The following ZNF704 variants were observed in gnomAD, a reference collection of about 807,000 sequenced individuals.
The protein encoded by ZNF704 is zinc finger protein 704.
Under a neutral mutation model 44.7 loss-of-function variants are expected in ZNF704, and 10 were observed. The ratio of observed to expected loss-of-function variants is 0.22; its 90% confidence interval spans 0.14 to 0.38. The LOEUF is 0.38. Ranked by LOEUF, ZNF704 falls within the 10% of genes least tolerant of loss-of-function variation. The pLI is 1.00. For missense variants in ZNF704, 390 were observed against 545.5 expected (o/e 0.71, Z 2.84); for synonymous variants, 211 against 207.6 (o/e 1.02, Z -0.14).
intron 2 of ZNF704, among the ~76,000 whole-genome samples, chr8:80,763,617 C>T (rs975462832): frequency 1.3e-5 from 2 of 152,202 alleles, no homozygotes; most frequent in Admixed American, 6.5e-5. Context: ...GAGGGGCTCC[C>T]GTGAAGGTCT....
chr8:80,673,982 G>T (rs1696070028), intron 4 of ZNF704, among the ~76,000 whole-genome samples: 1 of 152,236 alleles, frequency 6.6e-6, no homozygotes, highest in African/African-American at 2.4e-5. Flanking sequence ...CACACACCCA[G>T]CTCCATGATG....
intron 2 of ZNF704, among the ~76,000 whole-genome samples, chr8:80,799,224 T>C (rs1004559128): frequency 5.3e-5 from 8 of 152,224 alleles, no homozygotes; most frequent in African/African-American, 1.9e-4. Flanking sequence ...TTTCAAATTG[T>C]AGGATGCTAG....
intron 1 of ZNF704, among the ~76,000 whole-genome samples, chr8:80,840,038 T>C (rs1268541882): frequency 6.6e-6 from 1 of 152,226 alleles, no homozygotes; most frequent in East Asian, 1.9e-4. Context: ...CCCAGGCACC[T>C]GCTATATTTT....
chr8:80,817,793 T>C (rs373366163), intron 2 of ZNF704, among the ~76,000 whole-genome samples: 3 of 152,348 alleles, frequency 2.0e-5, no homozygotes, highest in East Asian at 3.8e-4. Context: ...TTTAAATAGA[T>C]GTTTCAAATT....
chr8:80,838,307 G>T (rs901643395), intron 1 of ZNF704, among the ~76,000 whole-genome samples: 19 of 152,172 alleles, frequency 1.2e-4, no homozygotes, highest in Admixed American at 6.5e-5. Flanking sequence ...TAGGCAAGTT[G>T]GAGAATATAC....
chr8:80,665,951 T>C (rs924936244), intron 5 of ZNF704, among the ~76,000 whole-genome samples: 39 of 146,338 alleles, frequency 2.7e-4, no homozygotes, highest in Admixed American at 4.6e-4. Context: ...CAGATAGTTC[T>C]TTATTTTTTA....
At chr8:80,666,152 C>A (rs1287723923) in intron 5 of ZNF704, among the ~76,000 whole-genome samples, 3 of 137,184 alleles carry the variant, frequency 2.2e-5, no homozygotes, top group African/African-American at 8.2e-5. Flanking sequence ...GTGTGATATT[C>A]CCCTTCCTGT....
chr8:80,844,215 C>G (rs1385976529), intron 1 of ZNF704, among the ~76,000 whole-genome samples: 1 of 152,094 alleles, frequency 6.6e-6, no homozygotes, highest in Non-Finnish European at 1.5e-5. Flanking sequence ...GCTCAGACCA[C>G]TACAACAGAA....
chr8:80,852,832 T>C (rs1242830151), intron 1 of ZNF704, among the ~76,000 whole-genome samples: 2 of 152,200 alleles, frequency 1.3e-5, no homozygotes, highest in East Asian at 1.9e-4. Flanking sequence ...AAAGAAATAA[T>C]AATATTTATG....
At chr8:80,686,789 G>A (rs1463309498) in intron 4 of ZNF704, among the ~76,000 whole-genome samples, 2 of 152,026 alleles carry the variant, frequency 1.3e-5, no homozygotes, top group Non-Finnish European at 2.9e-5. Flanking sequence ...ACAGATGACT[G>A]CATAAAAATG....
chr8:80,815,023 T>C (rs1808154349), intron 2 of ZNF704, among the ~76,000 whole-genome samples: 3 of 152,238 alleles, frequency 2.0e-5, no homozygotes, highest in Non-Finnish European at 1.5e-5. Flanking sequence ...ATCGTATTTA[T>C]AGGATTTTGC....
intron 1 of ZNF704, among the ~76,000 whole-genome samples, chr8:80,854,975 T>C (rs906359500): frequency 1.3e-5 from 2 of 152,228 alleles, no homozygotes; most frequent in Admixed American, 6.5e-5. Context: ...TCATGTAGAA[T>C]GGGGTATCCA....
intron 3 of ZNF704, among the ~76,000 whole-genome samples, chr8:80,688,864 C>A (rs1161610722): frequency 6.7e-6 from 1 of 150,170 alleles, no homozygotes; most frequent in African/African-American, 2.4e-5. Flanking sequence ...GGAGCTGAGG[C>A]AGGAGGATCA....
chr8:80,689,818 G>A (rs371722172), intron 3 of ZNF704, among the ~76,000 whole-genome samples: 14 of 152,284 alleles, frequency 9.2e-5, no homozygotes, highest in African/African-American at 2.9e-4. Flanking sequence ...AGGACTATAA[G>A]TGATATAGAA....
At chr8:80,683,594 C>T (rs562525640) in intron 4 of ZNF704, among the ~76,000 whole-genome samples, 21 of 152,306 alleles carry the variant, frequency 1.4e-4, no homozygotes, top group African/African-American at 4.6e-4. Context: ...ATCTCTGCCA[C>T]ATTATAAGCT....
At chr8:80,736,514 G>A (rs1489212762) in intron 2 of ZNF704, among the ~76,000 whole-genome samples, 2 of 152,114 alleles carry the variant, frequency 1.3e-5, no homozygotes, top group African/African-American at 2.4e-5. Context: ...TCCTGACCTC[G>A]TGATCCACCC....
intron 1 of ZNF704, among the ~76,000 whole-genome samples, chr8:80,872,032 AATT>A (rs1402197937): frequency 1.3e-5 from 2 of 152,166 alleles, no homozygotes; most frequent in Non-Finnish European, 2.9e-5. Context: ...ACAGAGCATA[AATT>A]ATTATTGTTT....
intron 2 of ZNF704, among the ~76,000 whole-genome samples, chr8:80,707,209 G>A (rs894152302): frequency 2.0e-5 from 3 of 152,168 alleles, no homozygotes; most frequent in African/African-American, 7.2e-5. Context: ...CTGTTTGCAT[G>A]ACCATCCCTA....
At chr8:80,683,355 C>T (rs1046494754) in intron 4 of ZNF704, among the ~76,000 whole-genome samples, 6 of 152,152 alleles carry the variant, frequency 3.9e-5, no homozygotes, top group Non-Finnish European at 5.9e-5. Flanking sequence ...TTATGGGTGA[C>T]GGATACTTCA....
Sources: gnomAD v4.1 joint callset for allele counts (sites outside exome capture counted in the v4.1 genomes callset) on GRCh38, gnomAD v4.1.1 for gene constraint, MANE v1.5 for transcripts, NCBI Gene and HGNC (gene_info 2026-07-23, HGNC 2026-07-21) for gene names.